SLC39A10: variants seen among roughly 807,000 people sequenced by gnomAD.
The protein encoded by SLC39A10 is solute carrier family 39 member 10.
SLC39A10 carries 13 observed loss-of-function variants against 65.1 expected under a neutral mutation model. That is an observed-to-expected ratio of 0.20 (90% confidence interval 0.13 to 0.32). SLC39A10 has a LOEUF of 0.32. Among genes scored for constraint, SLC39A10 ranks in the 10% least tolerant of loss-of-function variants. The probability of loss-of-function intolerance (pLI) is 1.00; values close to 1 mark genes in which losing one functional copy is unlikely to be tolerated. For missense variants in SLC39A10, 831 were observed against 1,018.4 expected, an observed-to-expected ratio of 0.82 and a Z score of 2.50; for synonymous variants, 321 against 342.2, an observed-to-expected ratio of 0.94 and a Z score of 0.68.
At position 195,728,097 on chromosome 2, in the gene SLC39A10, CT is replaced by C. The variant is rs1692309777; in HGVS notation, c.2147-59del. 7.0e-7 allele frequency: 1 copy of C among 1,434,146 alleles called. No homozygotes were observed. Among genetic ancestry groups the C allele is most frequent in the Non-Finnish European group, 9.6e-7 (1 of 1,046,932 alleles). The allele number at this position is 1,434,146 out of a possible 1,614,324, so 88.8% of individuals were successfully genotyped here. On this transcript the variant is annotated intron_variant, in intron 8 of 9. Coordinates refer to ENST00000359634, the MANE Select transcript of SLC39A10 (RefSeq NM_020342.3). The surrounding 1 kb of genome is among the most constrained non-coding windows in gnomAD (Gnocchi z 4.4). ...TAATGCTGATTTTATTTGTTTTCTC[CT>C]TTCAGATTTGTGTTTTAAATCCTGT...
chr2:195,726,684 G>A (rs1261706345), intron 8 of SLC39A10, among the ~76,000 whole-genome samples: 1 of 152,124 alleles, frequency 6.6e-6, no homozygotes, highest in Non-Finnish European at 1.5e-5. Context: ...TTAGTTTGTA[G>A]CAATTTGTTG....
intron 1 of SLC39A10, among the ~76,000 whole-genome samples, chr2:195,679,650 T>C (rs1490849238): frequency 1.3e-5 from 2 of 151,420 alleles, no homozygotes; most frequent in East Asian, 3.8e-4. Context: ...CTCAATAATT[T>C]CTCTCTTTTC....
chr2:195,695,904 A>G (rs1690938212), intron 3 of SLC39A10, among the ~76,000 whole-genome samples: 1 of 152,120 alleles, frequency 6.6e-6, no homozygotes, highest in Non-Finnish European at 1.5e-5. Context: ...TAAGAGTTTT[A>G]TAGTTTTAGG....
At chr2:195,730,681 T>C (rs750843940) in intron 9 of SLC39A10, among the ~76,000 whole-genome samples, 1 of 152,224 alleles carries the variant, frequency 6.6e-6, no homozygotes, top group Non-Finnish European at 1.5e-5. Context: ...TAAATTCGTA[T>C]CTTTATTATA....
At chr2:195,654,569 T>C (rs1300023386), upstream of SLC39A10, among the ~76,000 whole-genome samples, 2 of 152,196 alleles carry the variant, frequency 1.3e-5, no homozygotes, top group Non-Finnish European at 2.9e-5. Flanking sequence ...GGTAAACCAT[T>C]TACACATAAT....
At chr2:195,727,740 G>C (rs1022979568) in intron 8 of SLC39A10, among the ~76,000 whole-genome samples, 7 of 151,906 alleles carry the variant, frequency 4.6e-5, no homozygotes, top group African/African-American at 9.7e-5. Flanking sequence ...CTTTTTTTGT[G>C]AGTACAGTTC....
At chr2:195,638,959 TTTTTG>T (rs1688747057) in intron 2 of SLC39A10, among the ~76,000 whole-genome samples, 1 of 151,396 alleles carries the variant, frequency 6.6e-6, no homozygotes, top group African/African-American at 2.4e-5. Context: ...GCAGTTTTTT[TTTTTG>T]TTTTTGTTTT....
intron 3 of SLC39A10, among the ~76,000 whole-genome samples, chr2:195,699,722 C>A (rs1304938530): frequency 3.9e-5 from 6 of 152,002 alleles, no homozygotes; most frequent in African/African-American, 1.4e-4. Flanking sequence ...GGAAAATGTT[C>A]CATGTGCATT....
At chr2:195,663,716 TAAG>T (rs1451846169) in intron 1 of SLC39A10, among the ~76,000 whole-genome samples, 1 of 36,674 alleles carries the variant, frequency 2.7e-5, no homozygotes, top group Non-Finnish European at 9.3e-5. Context: ...AAAAAAGAAA[TAAG>T]AGAAAAGTAA....
At chr2:195,624,916 T>C (rs960376262) in intron 2 of SLC39A10, among the ~76,000 whole-genome samples, 4 of 127,088 alleles carry the variant, frequency 3.1e-5, no homozygotes, top group Non-Finnish European at 6.5e-5. Flanking sequence ...AAAAGTTTAG[T>C]AAACTTCTAA....
chr2:195,685,621 T>G (rs987559480), intron 3 of SLC39A10, among the ~76,000 whole-genome samples: 2 of 152,180 alleles, frequency 1.3e-5, no homozygotes, highest in African/African-American at 4.8e-5. Flanking sequence ...CATGCCTGAC[T>G]GACGACTACG....
chr2:195,656,220 G>A (rs990686606), upstream of SLC39A10, among the ~76,000 whole-genome samples: 1 of 152,172 alleles, frequency 6.6e-6, no homozygotes, highest in Admixed American at 6.5e-5. Context: ...ATGCAGATAC[G>A]CCTCAACATG....
intron 2 of SLC39A10, among the ~76,000 whole-genome samples, chr2:195,644,680 C>T (rs568276514): frequency 6.9e-4 from 105 of 151,804 alleles, no homozygotes; most frequent in Admixed American, 8.5e-4. Flanking sequence ...TGACACTGAC[C>T]TGTAGTCCCA....
At chr2:195,649,318 T>A (rs1231255739) in intron 2 of SLC39A10, among the ~76,000 whole-genome samples, 1 of 152,258 alleles carries the variant, frequency 6.6e-6, no homozygotes, top group Non-Finnish European at 1.5e-5. Context: ...ATTCTTGTTT[T>A]GACAATTCAT....
At chr2:195,675,551 C>T (rs1200712161) in intron 1 of SLC39A10, among the ~76,000 whole-genome samples, 1 of 152,212 alleles carries the variant, frequency 6.6e-6, no homozygotes, top group Non-Finnish European at 1.5e-5. Flanking sequence ...TTCTCCTCAG[C>T]CTCCCGAGTA....
chr2:195,661,093 T>C (rs927687551), intron 1 of SLC39A10, among the ~76,000 whole-genome samples: 11 of 152,168 alleles, frequency 7.2e-5, no homozygotes, highest in Non-Finnish European at 1.0e-4. Context: ...ACAGATATTA[T>C]AACACAATAT....
At chr2:195,661,788 G>C (rs2105731697) in intron 1 of SLC39A10, among the ~76,000 whole-genome samples, 1 of 152,130 alleles carries the variant, frequency 6.6e-6, no homozygotes, top group East Asian at 1.9e-4. Flanking sequence ...CAGGTTTGCA[G>C]GCTTGTACAA....
rs966117749 is a variant in SLC39A10 at position 195,657,511 on chromosome 2, C to T, written c.-12+230C>T. ...GGGCAGAGTGTTGGGCGCCGCGGCTCCTCGTGTGCGGTCTGGGCTGCTGCG... is the reference window on the plus strand; with the variant it reads ...GGGCAGAGTGTTGGGCGCCGCGGCTTCTCGTGTGCGGTCTGGGCTGCTGCG... On this transcript the variant is annotated intron_variant, in intron 1 of 9. Coordinates refer to ENST00000359634, the MANE Select transcript of SLC39A10 (RefSeq NM_020342.3). 5.1e-6 allele frequency: 5 copies of T among 985,328 alleles called. No individual in the cohort carries two copies. In the African/African-American group the frequency reaches 8.7e-5, roughly 17 times the overall value. 61.0% of individuals were successfully genotyped at this position (985,328 alleles called of 1,614,324 possible). A position where few individuals can be genotyped will look rare whatever the true frequency, so the allele number is the denominator to read the frequency against.
At chr2:195,720,448 A>G (rs1331934564) in intron 8 of SLC39A10, among the ~76,000 whole-genome samples, 1 of 152,226 alleles carries the variant, frequency 6.6e-6, no homozygotes, top group African/African-American at 2.4e-5. Context: ...AAAAAATGCT[A>G]ATGCCACCTT....
Sources: gnomAD v4.1 joint callset for allele counts (sites outside exome capture counted in the v4.1 genomes callset) on GRCh38, gnomAD v4.1.1 for gene constraint, Gnocchi (gnomAD v3.1) non-coding constraint, MANE v1.5 for transcripts, NCBI Gene and HGNC (gene_info 2026-07-23, HGNC 2026-07-21) for gene names.